The following SMURF2 variants were observed in gnomAD, a reference collection of about 807,000 sequenced individuals.
SMURF2 encodes the protein E3 ubiquitin-protein ligase SMURF2.
In SMURF2, 48 loss-of-function variants were observed where a neutral mutation model predicts 109.6. The ratio of observed to expected loss-of-function variants is 0.44; its 90% CI spans 0.35 to 0.56. SMURF2 has a LOEUF of 0.56. Ranked by LOEUF, SMURF2 falls within the 20% of genes least tolerant of loss-of-function variation. SMURF2 has a pLI of 0.01. For synonymous variants in SMURF2, 288 were observed against 317.1 expected (o/e 0.91, Z 0.97); for missense variants, 575 against 909.0 (o/e 0.63, Z 4.72).
At chr17:64,580,169 C>T (rs1254669186) in intron 8 of SMURF2, among the ~76,000 whole-genome samples, 2 of 152,142 alleles carry the variant, frequency 1.3e-5, no homozygotes, top group African/African-American at 4.8e-5. Flanking sequence ...AGACTATATA[C>T]AAGGATTCAC....
intron 1 of SMURF2, among the ~76,000 whole-genome samples, chr17:64,619,439 C>T (rs1555690424): frequency 6.4e-5 from 9 of 140,796 alleles, no homozygotes. Flanking sequence ...GATCATACCA[C>T]TGCACTCCCG....
At chr17:64,554,455 T>C (rs1969090872) in intron 15 of SMURF2, among the ~76,000 whole-genome samples, 1 of 151,980 alleles carries the variant, frequency 6.6e-6, no homozygotes, top group South Asian at 2.1e-4. Context: ...GGAGTGGTCA[T>C]GGAGAGAGGG....
intron 1 of SMURF2, among the ~76,000 whole-genome samples, chr17:64,648,722 T>C (rs1182314775): frequency 6.6e-6 from 1 of 152,108 alleles, no homozygotes; most frequent in East Asian, 1.9e-4. Context: ...TAGTGAGCCA[T>C]AAGCCTGAGC....
intron 5 of SMURF2, among the ~76,000 whole-genome samples, chr17:64,586,566 G>A (rs1247559999): frequency 1.1e-3 from 164 of 150,362 alleles, no homozygotes; most frequent in African/African-American, 3.9e-3. Flanking sequence ...GGCTAACACA[G>A]GGTGAAATCC....
chr17:64,629,173 A>T (rs1970305592), intron 1 of SMURF2, among the ~76,000 whole-genome samples: 2 of 152,196 alleles, frequency 1.3e-5, no homozygotes, highest in Non-Finnish European at 2.9e-5. Flanking sequence ...TCCAAAAAAC[A>T]GGTTGGAACC....
chr17:64,566,821 C>T (rs1368728585), intron 10 of SMURF2, among the ~76,000 whole-genome samples: 3 of 150,952 alleles, frequency 2.0e-5, no homozygotes, highest in Non-Finnish European at 2.9e-5. Context: ...CCACCCACCT[C>T]GGCCTCCCAA....
chr17:64,610,745 T>TA (rs1970032887), intron 1 of SMURF2, among the ~76,000 whole-genome samples: 1 of 152,194 alleles, frequency 6.6e-6, no homozygotes, highest in Non-Finnish European at 1.5e-5. Flanking sequence ...CCCCAGAACT[T>TA]AAAGTATAAT....
intron 1 of SMURF2, among the ~76,000 whole-genome samples, chr17:64,617,468 T>A (rs1446642931): frequency 6.6e-6 from 1 of 152,164 alleles, no homozygotes; most frequent in South Asian, 2.1e-4. Context: ...GCAAAATTGG[T>A]TCTCAGAAAA....
chr17:64,560,433 T>C (rs1402368347), intron 12 of SMURF2, among the ~76,000 whole-genome samples: 2 of 152,028 alleles, frequency 1.3e-5, no homozygotes, highest in South Asian at 4.1e-4. Context: ...TATCCATCCG[T>C]AGGTTTAAAA....
intron 1 of SMURF2, among the ~76,000 whole-genome samples, chr17:64,647,225 C>A (rs1455398449): frequency 6.6e-6 from 1 of 150,562 alleles, no homozygotes; most frequent in African/African-American, 2.4e-5. Flanking sequence ...TTCTTCCTTG[C>A]TAGAAAAAAT....
Position 64,545,632 on chromosome 17 carries a change from G to A in SMURF2, c.*216C>T. 2.6e-6 allele frequency: 1 copy of A among 378,966 alleles called. No individual in the cohort carries two copies. The highest frequency in any genetic ancestry group is 4.2e-5 in the East Asian group (1 of 23,946). The allele number at this position is 378,966 out of a possible 1,614,324, so 23.5% of individuals were successfully genotyped here. ...TAAGTTTAAATAGCAGCTGAATGTG[G>A]CCTCATGGCAAAGCATAAAGACCTT... On this transcript the variant is annotated 3_prime_UTR_variant, in exon 19 of 19. Coordinates refer to ENST00000262435, the MANE Select transcript of SMURF2 (RefSeq NM_022739.4).
At chr17:64,633,978 G>A (rs1370617508) in intron 1 of SMURF2, among the ~76,000 whole-genome samples, 2 of 152,184 alleles carry the variant, frequency 1.3e-5, no homozygotes, top group African/African-American at 4.8e-5. Context: ...CCAACATGGC[G>A]AAACTGTCTC....
intron 1 of SMURF2, among the ~76,000 whole-genome samples, chr17:64,624,683 G>A (rs1439523630): frequency 6.6e-6 from 1 of 151,828 alleles, no homozygotes; most frequent in African/African-American, 2.4e-5. Flanking sequence ...AATTAGCAAG[G>A]TGTGGTGGCA....
At chr17:64,586,013 C>T (rs1969645977) in intron 6 of SMURF2, 73 bp downstream of exon 6, 2 of 938,280 alleles carry the variant, frequency 2.1e-6, no homozygotes, top group Admixed American at 2.3e-5. Context: ...ATACAATAAA[C>T]ACCCACTTAT....
At chr17:64,594,712 C>T (rs549191250) in intron 3 of SMURF2, among the ~76,000 whole-genome samples, 2 of 152,252 alleles carry the variant, frequency 1.3e-5, no homozygotes, top group South Asian at 2.1e-4. Flanking sequence ...TTAGGCCGGG[C>T]GCGGTGGCTC....
At chr17:64,646,689 A>T (rs958931879) in intron 1 of SMURF2, among the ~76,000 whole-genome samples, 1 of 152,090 alleles carries the variant, frequency 6.6e-6, no homozygotes, top group Admixed American at 6.6e-5. Flanking sequence ...GCCCTATAAA[A>T]ATTATTTTTA....
chr17:64,546,938 A>G (rs1174731369), intron 17 of SMURF2, among the ~76,000 whole-genome samples: 1 of 152,224 alleles, frequency 6.6e-6, no homozygotes. Context: ...AGCACTGTCG[A>G]ATTATGTACC....
At position 64,562,303 on chromosome 17, in the gene SMURF2, A is replaced by C. The variant is rs1442428173; in HGVS notation, c.1212+468T>G. Among the ~76,000 whole-genome samples the C allele has an allele frequency of 6.4e-3, 964 of 150,142 alleles. 21 individuals carry two copies. Among genetic ancestry groups the C allele is most frequent in the African/African-American group, 0.022 (916 of 40,748 alleles). ...TCCGTCTCAAAAAAAAAAAAAAAAA[A>C]AAAAAAAAAAGAGAGAGAGAGAAAA... On this transcript the variant is annotated intron_variant, in intron 11 of 18. Transcript: ENST00000262435.
At chr17:64,618,768 G>A (rs181871667) in intron 1 of SMURF2, among the ~76,000 whole-genome samples, 3 of 152,326 alleles carry the variant, frequency 2.0e-5, no homozygotes, top group African/African-American at 7.2e-5. Flanking sequence ...TATTTTATAT[G>A]TAGAAAAAGA....
Sources: allele counts gnomAD v4.1 joint callset (sites outside exome capture counted in the v4.1 genomes callset), GRCh38; gene constraint gnomAD v4.1.1; transcripts MANE v1.5; gene names NCBI Gene and HGNC (gene_info 2026-07-23, HGNC 2026-07-21).